The following TMEM135 variants were observed in gnomAD, a reference collection of about 807,000 sequenced individuals.
TMEM135 encodes peroxisomal membrane protein 52.
Under a neutral mutation model 60.3 loss-of-function variants are expected in TMEM135, and 30 were observed. That is an observed-to-expected ratio of 0.50 (90% confidence interval 0.37 to 0.68). The LOEUF is 0.68. Among genes scored for constraint, TMEM135 ranks in the 30% least tolerant of loss-of-function variants. TMEM135 has a pLI of 0.00. For synonymous variants in TMEM135, 190 were observed against 186.7 expected, an observed-to-expected ratio of 1.02 and a Z score of -0.14; for missense variants, 468 against 548.8, an observed-to-expected ratio of 0.85 and a Z score of 1.47.
Position 87,328,672 on chromosome 11 carries a change from T to G in TMEM135, c.*7339T>G. On this transcript the variant is annotated 3_prime_UTR_variant, in exon 15 of 15. Transcript: ENST00000305494. Reference sequence around the variant, plus strand: ...ATCCAAGATGCTGCAAAAGACATTATTTCATCTTTTATTTTTTATGGCTGA... The same window carrying G: ...ATCCAAGATGCTGCAAAAGACATTAGTTCATCTTTTATTTTTTATGGCTGA... 2.2e-6 allele frequency: 1 copy of G among 454,078 alleles called. No homozygotes were observed. Among genetic ancestry groups the G allele is most frequent in the Non-Finnish European group, 4.4e-6 (1 of 226,770 alleles). The allele number at this position is 454,078 out of a possible 1,614,324, so 28.1% of individuals were successfully genotyped here.
chr11:87,194,661 T>C (rs1939891024), intron 5 of TMEM135, among the ~76,000 whole-genome samples: 1 of 152,164 alleles, frequency 6.6e-6, no homozygotes, highest in Admixed American at 6.5e-5. Flanking sequence ...GTTCCTAATT[T>C]ATTATATTGA....
At chr11:87,041,207 G>A (rs1949747334) in intron 1 of TMEM135, among the ~76,000 whole-genome samples, 1 of 151,714 alleles carries the variant, frequency 6.6e-6, no homozygotes, top group Non-Finnish European at 1.5e-5. Flanking sequence ...TTATAGGTAA[G>A]ATACCTGAAG....
intron 5 of TMEM135, among the ~76,000 whole-genome samples, chr11:87,219,842 C>T (rs1940579868): frequency 6.6e-6 from 1 of 152,086 alleles, no homozygotes; most frequent in East Asian, 1.9e-4. Flanking sequence ...AGTGTCATAA[C>T]AATCCAAAGT....
intron 5 of TMEM135, among the ~76,000 whole-genome samples, chr11:87,193,865 G>A (rs1261832924): frequency 3.3e-5 from 5 of 151,208 alleles, no homozygotes; most frequent in Non-Finnish European, 7.4e-5. Context: ...GATCATGCTA[G>A]GATACAGTAG....
chr11:87,297,741 A>G (rs2135435787), intron 7 of TMEM135, among the ~76,000 whole-genome samples: 1 of 152,320 alleles, frequency 6.6e-6, no homozygotes, highest in African/African-American at 2.4e-5. Flanking sequence ...ATGTTTGTTA[A>G]TTCTTGCTAA....
intron 4 of TMEM135, among the ~76,000 whole-genome samples, chr11:87,104,634 C>T (rs1331405730): frequency 1.3e-5 from 2 of 151,906 alleles, no homozygotes; most frequent in African/African-American, 2.4e-5. Flanking sequence ...GATCTTTTAC[C>T]ATCTTGGTTA....
chr11:87,141,625 G>T (rs1272910684), intron 4 of TMEM135, among the ~76,000 whole-genome samples: 1 of 152,104 alleles, frequency 6.6e-6, no homozygotes, highest in Non-Finnish European at 1.5e-5. Context: ...GCAAATAGAA[G>T]TGGTGAGAGT....
At chr11:87,249,792 G>T (rs1941373602) in intron 6 of TMEM135, among the ~76,000 whole-genome samples, 1 of 152,006 alleles carries the variant, frequency 6.6e-6, no homozygotes, top group Non-Finnish European at 1.5e-5. Context: ...ATTGCTATGT[G>T]TTTGGTTTTG....
chr11:87,248,272 T>C (rs1941335193), intron 6 of TMEM135, among the ~76,000 whole-genome samples: 1 of 152,182 alleles, frequency 6.6e-6, no homozygotes, highest in African/African-American at 2.4e-5. Flanking sequence ...TTGAGAAACC[T>C]CTAAACTGTT....
At chr11:87,258,656 G>A (rs1042300046) in intron 6 of TMEM135, among the ~76,000 whole-genome samples, 4 of 152,142 alleles carry the variant, frequency 2.6e-5, no homozygotes, top group African/African-American at 9.7e-5. Context: ...GAAGACTGAA[G>A]TAAGTCAGGA....
chr11:87,188,294 C>G (rs1939702879), intron 5 of TMEM135, among the ~76,000 whole-genome samples: 1 of 152,060 alleles, frequency 6.6e-6, no homozygotes, highest in Non-Finnish European at 1.5e-5. Context: ...AATTTGAATT[C>G]AAGTCTGAAA....
intron 9 of TMEM135, among the ~76,000 whole-genome samples, 166 bp downstream of exon 9, chr11:87,306,171 AT>A (rs1942539467): frequency 6.6e-6 from 1 of 152,184 alleles, no homozygotes; most frequent in Non-Finnish European, 1.5e-5. Flanking sequence ...ATAGGTGACG[AT>A]TTAGCTTTTA....
Position 87,319,372 on chromosome 11 carries a change from G to C in TMEM135, c.1239G>C (p.Lys413Asn), listed in dbSNP as rs569916454. ...SYWKFLLRLT[K>N]GKFAVMNRKV... ...GGAAGTTCCTTTTAAGACTCACCAA[G>C]GGCAAGTAAGTGACTACGTAGTTTT... Residue 413 changes from lysine to asparagine, a missense_variant, in exon 14 of 15, where the codon AAG becomes AAC. Transcript: ENST00000305494. 1 of 1,611,136 alleles carries C rather than the reference G, an allele frequency of 6.2e-7. No homozygotes were observed. The highest frequency in any genetic ancestry group is 1.1e-5 in the South Asian group (1 of 90,996).
intron 5 of TMEM135, among the ~76,000 whole-genome samples, chr11:87,228,001 T>C (rs993822838): frequency 6.6e-6 from 1 of 152,156 alleles, no homozygotes; most frequent in African/African-American, 2.4e-5. Context: ...GTGTTCTAAG[T>C]AAGTAAGAGT....
At chr11:87,237,071 C>CA (rs1364905842) in intron 6 of TMEM135, among the ~76,000 whole-genome samples, 2 of 151,914 alleles carry the variant, frequency 1.3e-5, no homozygotes, top group African/African-American at 4.8e-5. Context: ...GAAAAAATGA[C>CA]AGTAGATCTC....
chr11:87,237,384 A>C (rs1235780418), intron 6 of TMEM135, among the ~76,000 whole-genome samples: 1 of 151,862 alleles, frequency 6.6e-6, no homozygotes, highest in Non-Finnish European at 1.5e-5. Context: ...TATTGCCCTC[A>C]TTTGGATAGA....
At chr11:87,110,096 G>C (rs1036267888) in intron 4 of TMEM135, among the ~76,000 whole-genome samples, 4 of 152,140 alleles carry the variant, frequency 2.6e-5, no homozygotes, top group Admixed American at 2.6e-4. Flanking sequence ...AATCATTTAT[G>C]ACCTGAGTGG....
chr11:87,290,854 A>G lies in TMEM135; in HGVS notation c.510-4928A>G, dbSNP rs140460028. Among the ~76,000 whole-genome samples, 826 of 152,284 alleles carry G rather than the reference A, an allele frequency of 5.4e-3. 10 individuals are homozygous for G. The highest frequency in any genetic ancestry group is 5.2e-3 in the Non-Finnish European group (354 of 68,006). The stretch of plus-strand genomic sequence containing the variant: ...CAGTAAATATAGACTGACTTACAGT[A>G]TTTATTTTGTCATTTGCATAGATTA... On this transcript the variant is annotated intron_variant, in intron 6 of 14. Transcript: ENST00000305494.
At chr11:87,154,987 T>TTG (rs1565464238) in intron 4 of TMEM135, among the ~76,000 whole-genome samples, 1 of 122,246 alleles carries the variant, frequency 8.2e-6, no homozygotes, top group Admixed American at 8.0e-5. Flanking sequence ...TGAAATCCAG[T>TTG]TTTATTTATT....
Sources: allele counts gnomAD v4.1 joint callset (sites outside exome capture counted in the v4.1 genomes callset), GRCh38; gene constraint gnomAD v4.1.1; transcripts MANE v1.5; gene names NCBI Gene and HGNC (gene_info 2026-07-23, HGNC 2026-07-21).